ZRANB3: variants seen among roughly 807,000 people sequenced by gnomAD.
ZRANB3 encodes zinc finger RANBP2-type containing 3.
Under a neutral mutation model 133.8 loss-of-function variants are expected in ZRANB3, and 125 were observed. The observed-to-expected ratio is 0.93, with a 90% CI of 0.81 to 1.08. The LOEUF is 1.08. Ranked by LOEUF, ZRANB3 falls within the 50% of genes least tolerant of loss-of-function variation. ZRANB3 has a pLI of 0.00. For missense variants in ZRANB3, 1,229 were observed against 1,275.5 expected, an observed-to-expected ratio of 0.96 and a Z score of 0.56; for synonymous variants, 387 against 432.7, an observed-to-expected ratio of 0.89 and a Z score of 1.31.
At chr2:135,481,617 T>C (rs1691814842) in intron 2 of ZRANB3, among the ~76,000 whole-genome samples, 1 of 150,430 alleles carries the variant, frequency 6.6e-6, no homozygotes, top group Non-Finnish European at 1.5e-5. Flanking sequence ...CTCTTTAGTT[T>C]AATTAGATCC....
intron 1 of ZRANB3, among the ~76,000 whole-genome samples, chr2:135,509,795 C>T (rs2104828783): frequency 6.6e-6 from 1 of 152,158 alleles, no homozygotes; most frequent in East Asian, 1.9e-4. Flanking sequence ...TTTTGTGATC[C>T]TATATCAAAA....
At chr2:135,242,188 A>G (rs6721502) in intron 12 of ZRANB3, among the ~76,000 whole-genome samples, 17,921 of 152,054 alleles carry the variant, frequency 0.12, 1,318 homozygotes, top group South Asian at 0.32. Context: ...CAAAAAAAAA[A>G]AGAGAGAGAC....
In ZRANB3 at chr2:135,381,032, G is replaced by A. The variant is rs139619829; in HGVS notation, c.180+9770C>T. Among the ~76,000 whole-genome samples the A allele has an allele frequency of 3.0e-3, 450 of 152,250 alleles. 4 individuals carry two copies. Among genetic ancestry groups the A allele is most frequent in the African/African-American group, 8.8e-3 (367 of 41,552 alleles). On this transcript the variant is annotated intron_variant, in intron 3 of 20. Transcript: ENST00000264159. ...GGACAGAGGATGCAGTGCATTGAGCGTGAGCCTAAGCAGGGTAAGGCATCA... is the reference window on the plus strand; with the variant it reads ...GGACAGAGGATGCAGTGCATTGAGCATGAGCCTAAGCAGGGTAAGGCATCA...
intron 3 of ZRANB3, among the ~76,000 whole-genome samples, chr2:135,357,259 C>A (rs1386996569): frequency 6.6e-6 from 1 of 151,926 alleles, no homozygotes; most frequent in Non-Finnish European, 1.5e-5. Flanking sequence ...TGCCACCACG[C>A]CTGGCTAATT....
chr2:135,210,953 A>G lies in ZRANB3; in HGVS notation c.2496-1975T>C, dbSNP rs113114735. 3.0e-3 allele frequency among the ~76,000 whole-genome samples: 450 copies of G among 152,128 alleles called. 3 individuals carry two copies. The highest frequency in any genetic ancestry group is 0.01 in the African/African-American group (419 of 41,510). On this transcript the variant is annotated intron_variant, in intron 17 of 20. Transcript: ENST00000264159. Reference sequence around the variant, plus strand: ...CTGAGGCAGGAGAACCGCTTGAACCAGGAAGATGGAGGGTGCAGTGAACTG... The same window carrying G: ...CTGAGGCAGGAGAACCGCTTGAACCGGGAAGATGGAGGGTGCAGTGAACTG...
At chr2:135,246,946 T>A (rs1558860492) in intron 12 of ZRANB3, among the ~76,000 whole-genome samples, 1 of 152,158 alleles carries the variant, frequency 6.6e-6, no homozygotes, top group Non-Finnish European at 1.5e-5. Context: ...AGCCAGTTAT[T>A]AGAACTGAAG....
chr2:135,331,879 T>C lies in ZRANB3; in HGVS notation c.677+13671A>G, dbSNP rs576142130. On this transcript the variant is annotated intron_variant, in intron 6 of 20. Transcript: ENST00000264159. ...CAGACACTAGGAGACTTTTACTTTT[T>C]TAAGAAAATGTTTTTTTCTATGTGT... 2.6e-3 allele frequency among the ~76,000 whole-genome samples: 398 copies of C among 152,246 alleles called. 4 individuals carry two copies. The South Asian group carries it at 0.029, about 11-fold the overall frequency.
At chr2:135,206,339 A>T (rs1693856277) in intron 19 of ZRANB3, among the ~76,000 whole-genome samples, 1 of 151,740 alleles carries the variant, frequency 6.6e-6, no homozygotes, top group Non-Finnish European at 1.5e-5. Context: ...TCTCAGGTTC[A>T]AGCGATTCTT....
intron 2 of ZRANB3, among the ~76,000 whole-genome samples, chr2:135,406,815 T>A (rs1273568758): frequency 1.3e-5 from 2 of 152,054 alleles, no homozygotes; most frequent in Admixed American, 1.3e-4. Context: ...ATTGATGGGA[T>A]GTATCTCAAA....
rs536632244 is a variant in ZRANB3, at chr2:135,381,843, A to G, written c.180+8959T>C. Among the ~76,000 whole-genome samples, 130 of 152,310 alleles carry G rather than the reference A, an allele frequency of 8.5e-4. 1 individual carries two copies. The East Asian group carries it at 0.024, about 29-fold the overall frequency. On this transcript the variant is annotated intron_variant, in intron 3 of 20. Coordinates refer to ENST00000264159, the MANE Select transcript of ZRANB3 (RefSeq NM_032143.4). Reference sequence around the variant, plus strand: ...ACATCCACACCAAAACCCCATCTACATGGCACCATCATCAAATACCAAAGG... The same window carrying G: ...ACATCCACACCAAAACCCCATCTACGTGGCACCATCATCAAATACCAAAGG...
chr2:135,305,464 T>A (rs909155015), intron 8 of ZRANB3, among the ~76,000 whole-genome samples: 1 of 152,248 alleles, frequency 6.6e-6, no homozygotes, highest in Admixed American at 6.5e-5. Context: ...AGCCAGTCTG[T>A]ATCTTTAAAG....
intron 2 of ZRANB3, among the ~76,000 whole-genome samples, chr2:135,409,289 G>A (rs1023056293): frequency 7.2e-5 from 11 of 152,122 alleles, no homozygotes; most frequent in African/African-American, 2.4e-4. Flanking sequence ...TCTCCCACCA[G>A]GCCTTAACTC....
chr2:135,269,275 G>C (rs1212785555), intron 10 of ZRANB3, 134 bp from the exon 11 acceptor site: 2 of 656,328 alleles, frequency 3.0e-6, no homozygotes, highest in Non-Finnish European at 4.5e-6. Context: ...GCCAAATTAA[G>C]ATTTAATTCA....
intron 17 of ZRANB3, among the ~76,000 whole-genome samples, chr2:135,212,032 T>C (rs1340095991): frequency 5.3e-5 from 8 of 152,220 alleles, no homozygotes; most frequent in African/African-American, 1.9e-4. Context: ...CACAATGTCA[T>C]TTTTAAGAGT....
At chr2:135,409,682 A>G (rs1045115153) in intron 2 of ZRANB3, among the ~76,000 whole-genome samples, 3 of 152,196 alleles carry the variant, frequency 2.0e-5, no homozygotes, top group Admixed American at 2.0e-4. Flanking sequence ...AGGAACTCGA[A>G]TTATCTTTTT....
chr2:135,398,047 C>T (rs1687575281), intron 2 of ZRANB3, among the ~76,000 whole-genome samples: 1 of 151,996 alleles, frequency 6.6e-6, no homozygotes, highest in South Asian at 2.1e-4. Flanking sequence ...TGTTCTTTTT[C>T]TTTTTGTTTT....
intron 4 of ZRANB3, among the ~76,000 whole-genome samples, chr2:135,352,332 CAAA>C (rs1185558433): frequency 9.2e-6 from 1 of 108,522 alleles, no homozygotes; most frequent in Non-Finnish European, 2.0e-5. Context: ...ACTCCGTCTC[CAAA>C]AAAAAAAAAA....
chr2:135,272,223 C>T (rs776614784), intron 9 of ZRANB3, among the ~76,000 whole-genome samples: 9 of 152,162 alleles, frequency 5.9e-5, no homozygotes, highest in Non-Finnish European at 1.2e-4. Flanking sequence ...TAAAATTCTA[C>T]GTAAATTGAC....
intron 8 of ZRANB3, among the ~76,000 whole-genome samples, chr2:135,305,495 C>T (rs1450924768): frequency 6.6e-6 from 1 of 152,212 alleles, no homozygotes; most frequent in African/African-American, 2.4e-5. Flanking sequence ...AATCCATTAA[C>T]ATTTAACGTT....
Sources: allele counts gnomAD v4.1 joint callset (sites outside exome capture counted in the v4.1 genomes callset), GRCh38; gene constraint gnomAD v4.1.1; transcripts MANE v1.5; gene names NCBI Gene and HGNC (gene_info 2026-07-23, HGNC 2026-07-21).